The following SLAMF9 variants were observed in gnomAD, a reference collection of about 807,000 sequenced individuals.
SLAMF9 encodes SLAM family member 9, also known as CD2 family member 10.
Under a neutral mutation model 30.4 loss-of-function variants are expected in SLAMF9, and 25 were observed. That is an observed-to-expected ratio of 0.82 (90% CI 0.60 to 1.15). The LOEUF is 1.15. Ranked by LOEUF, SLAMF9 falls within the 50% of genes most tolerant of loss-of-function variation. SLAMF9 has a pLI of 0.00. For synonymous variants in SLAMF9, 129 were observed against 127.2 expected (o/e 1.01, Z -0.09); for missense variants, 344 against 346.1 (o/e 0.99, Z 0.05).
At chr1:159,975,072 G>A in the SLAMF9 span, among the ~76,000 whole-genome samples, 2 of 152,086 alleles carry the variant, frequency 1.3e-5, no homozygotes, top group South Asian at 4.1e-4. Flanking sequence ...ATAACTCCCT[G>A]GGAGTCTCAG....
rs779668906 is a variant in SLAMF9 at position 159,953,312 on chromosome 1, A to G, written c.388T>C (p.Tyr130His). 3 of 1,595,404 alleles carry G rather than the reference A, an allele frequency of 1.9e-6. No individual in the cohort carries two copies. In the South Asian group the frequency reaches 3.3e-5, roughly 18 times the overall value. ...STMQQYNICV[Y>H]RWLSEPQITV... ...ATGGTTCCCAGCCTAAACTCACGGT[A>G]GACACATATATTGTACTGCTGCATG... Residue 130 changes from tyrosine (Y) to histidine (H), a missense_variant, in exon 2 of 4, where the codon TAC (tyrosine) becomes CAC (histidine). Tyr to His is a moderately conservative substitution (Grantham distance 83). Coordinates refer to ENST00000368093, the MANE Select transcript of SLAMF9 (RefSeq NM_033438.4).
In SLAMF9 at chr1:159,953,446, T is replaced by C; in HGVS notation, c.254A>G (p.Gln85Arg). 6.2e-7 allele frequency: 1 copy of C among 1,614,242 alleles called. No individual in the cohort carries two copies. ...ATAGCTGGGGTCCAGGAAGCTCACTTGGCCCTGGTAGTGTGGATTGGTCAC... is the reference window on the plus strand; with the variant it reads ...ATAGCTGGGGTCCAGGAAGCTCACTCGGCCCTGGTAGTGTGGATTGGTCAC... ...IMVTNPHYQG[Q>R]VSFLDPSYSL... The change falls in exon 2 of 4, where the codon CAA becomes CGA. Residue 85 changes from glutamine to arginine, a missense_variant. Transcript: ENST00000368093.
At chr1:159,978,513 A>T in the SLAMF9 span, 1 of 152,212 alleles carries the variant, frequency 6.6e-6, no homozygotes, top group Admixed American at 6.5e-5. Context: ...CTAAGAAGGG[A>T]GACAGATGAG....
chr1:159,960,192 T>A, the SLAMF9 span, among the ~76,000 whole-genome samples: 1 of 114,012 alleles, frequency 8.8e-6, no homozygotes, highest in African/African-American at 3.5e-5. Flanking sequence ...CAGTCCCCGG[T>A]GTGTGATGTT....
upstream of SLAMF9, among the ~76,000 whole-genome samples, chr1:159,957,672 A>G (rs1651956683): frequency 1.3e-5 from 2 of 152,242 alleles, no homozygotes; most frequent in Admixed American, 1.3e-4. Context: ...ACCACAAAAA[A>G]AGATAGTTGT....
chr1:159,966,625 T>C, the SLAMF9 span, among the ~76,000 whole-genome samples: 3 of 151,874 alleles, frequency 2.0e-5, no homozygotes, highest in Non-Finnish European at 2.9e-5. Flanking sequence ...CATCAACACA[T>C]GTTATCTTTT....
chr1:159,968,079 A>G, the SLAMF9 span, among the ~76,000 whole-genome samples: 1 of 152,290 alleles, frequency 6.6e-6, no homozygotes, highest in Admixed American at 6.5e-5. Flanking sequence ...TACTATTAAG[A>G]TGGCTTTTAT....
the SLAMF9 span, among the ~76,000 whole-genome samples, chr1:159,966,593 T>G: frequency 9.2e-5 from 14 of 152,330 alleles, no homozygotes; most frequent in Middle Eastern, 3.4e-3. Flanking sequence ...AGTGTACAAG[T>G]GTTCCCTTTT....
chr1:159,956,885 C>T (rs1309375529), upstream of SLAMF9, among the ~76,000 whole-genome samples: 5 of 151,486 alleles, frequency 3.3e-5, no homozygotes, highest in African/African-American at 9.7e-5. Flanking sequence ...TTTGGGAGGC[C>T]GAGGCGGGGG....
At chr1:159,966,933 G>GT in the SLAMF9 span, among the ~76,000 whole-genome samples, 37 of 151,808 alleles carry the variant, frequency 2.4e-4, no homozygotes, top group Middle Eastern at 6.8e-3. Context: ...TGTTGTTTTT[G>GT]TTTTTTTGTT....
chr1:159,958,501 C>T (rs1386234939), upstream of SLAMF9, among the ~76,000 whole-genome samples: 1 of 151,872 alleles, frequency 6.6e-6, no homozygotes, highest in African/African-American at 2.4e-5. Context: ...TGCTCTATCA[C>T]CCAGGCTGGA....
the SLAMF9 span, among the ~76,000 whole-genome samples, chr1:159,965,851 A>G: frequency 6.6e-6 from 1 of 152,170 alleles, no homozygotes; most frequent in Non-Finnish European, 1.5e-5. Context: ...AATCATAATT[A>G]TATTACATTT....
At chr1:159,956,113 A>G (rs1219457558), upstream of SLAMF9, among the ~76,000 whole-genome samples, 3 of 152,224 alleles carry the variant, frequency 2.0e-5, no homozygotes, top group Non-Finnish European at 4.4e-5. Flanking sequence ...GTGTCTATCA[A>G]TGGATGAATG....
the SLAMF9 span, among the ~76,000 whole-genome samples, chr1:159,964,615 C>G: frequency 6.6e-6 from 1 of 152,192 alleles, no homozygotes. Context: ...AGCAAACAAA[C>G]AGCAAACAAA....
the SLAMF9 span, among the ~76,000 whole-genome samples, chr1:159,960,158 C>T: frequency 8.0e-6 from 1 of 125,046 alleles, no homozygotes; most frequent in East Asian, 2.7e-4. Context: ...AATGCTATCC[C>T]TCCCCCCTCC....
chr1:159,959,134 T>G (rs1411454918), upstream of SLAMF9, among the ~76,000 whole-genome samples: 1 of 152,184 alleles, frequency 6.6e-6, no homozygotes, highest in Non-Finnish European at 1.5e-5. Flanking sequence ...TCAGGTTTCC[T>G]CACTCCAGGA....
the SLAMF9 span, chr1:159,983,916 G>A: frequency 6.6e-5 from 10 of 152,410 alleles, no homozygotes; most frequent in African/African-American, 2.4e-4. Context: ...AGGGGCCAGG[G>A]CGGAAGAAGA....
the SLAMF9 span, chr1:159,973,097 T>C: frequency 7.9e-6 from 12 of 1,511,622 alleles, no homozygotes; most frequent in African/African-American, 1.0e-4. Flanking sequence ...CCTTGACTCC[T>C]GGGATGCAGA....
chr1:159,951,614 G>C lies in SLAMF9; in HGVS notation c.*47C>G, dbSNP rs1430447468. 1 of 1,565,740 alleles carries C rather than the reference G, an allele frequency of 6.4e-7. No individual in the cohort carries two copies. Among genetic ancestry groups the C allele is most frequent in the South Asian group, 1.1e-5 (1 of 89,380 alleles). On this transcript the variant is annotated 3_prime_UTR_variant, in exon 4 of 4. Transcript: ENST00000368093. ...AAGAGAGCTGAGGAAGGATTCTCTG[G>C]GTGCTGGGAAGAAACCAAGCTCAGG...
Sources: allele counts gnomAD v4.1 joint callset (sites outside exome capture counted in the v4.1 genomes callset), GRCh38; gene constraint gnomAD v4.1.1; transcripts MANE v1.5; gene names NCBI Gene and HGNC (gene_info 2026-07-23, HGNC 2026-07-21).